Variants in RPS9 observed in about 807,000 individuals in gnomAD.
RPS9 encodes ribosomal protein S9.
A neutral mutation model predicts 16.9 loss-of-function variants in RPS9; 1 was observed. The ratio of observed to expected loss-of-function variants is 0.06; its 90% CI spans 0.02 to 0.28. RPS9 has a LOEUF of 0.28. Ranked by LOEUF, RPS9 falls within the 10% of genes least tolerant of loss-of-function variation. RPS9 has a pLI of 1.00. For synonymous variants in RPS9, 106 were observed against 110.9 expected (o/e 0.96, Z 0.28); for missense variants, 137 against 273.2 (o/e 0.50, Z 3.51).
intron 3 of RPS9, among the ~76,000 whole-genome samples, chr19:54,203,618 C>T (rs117107587): frequency 0.084 from 12,781 of 152,122 alleles, 640 homozygotes; most frequent in Middle Eastern, 0.15. Flanking sequence ...ACGAAAAATA[C>T]AAAAATTAGC....
intron 2 of RPS9, 64 bp downstream of exon 2, chr19:54,201,345 G>A: frequency 6.2e-7 from 1 of 1,612,598 alleles, no homozygotes; most frequent in South Asian, 1.1e-5. Context: ...CGTGGATGAA[G>A]GTGCCCATGT....
chr19:54,207,030 A>T (rs2077265955), intron 4 of RPS9: 1 of 437,426 alleles, frequency 2.3e-6, no homozygotes, highest in East Asian at 4.1e-5. Context: ...TTGCTGTGTT[A>T]TTGTGGGCAT....
At chr19:54,202,316 G>T in intron 3 of RPS9, 1 of 509,346 alleles carries the variant, frequency 2.0e-6, no homozygotes, top group Non-Finnish European at 2.5e-6. Context: ...CTCCTAAGTA[G>T]CTGGAATCAC....
intron 3 of RPS9, among the ~76,000 whole-genome samples, chr19:54,203,779 C>A (rs183162790): frequency 1.7e-5 from 2 of 114,498 alleles, no homozygotes; most frequent in Admixed American, 9.5e-5. Flanking sequence ...ACTCCCCCCC[C>A]ACCCCCCAGC....
At chr19:54,207,327 A>G (rs780906809) in intron 4 of RPS9, 71 bp from the exon 5 acceptor site, 33 of 1,364,974 alleles carry the variant, frequency 2.4e-5, no homozygotes, top group Non-Finnish European at 3.2e-5. Flanking sequence ...GTGGAGAGGA[A>G]AGAGTGGTGC....
intron 3 of RPS9, among the ~76,000 whole-genome samples, chr19:54,204,310 A>G (rs1432335297): frequency 6.6e-6 from 1 of 152,236 alleles, no homozygotes; most frequent in Non-Finnish European, 1.5e-5. Context: ...GTTTGCAGTG[A>G]GCCGAGATCA....
rs991979246 is a variant in RPS9, at chr19:54,207,638, C to T, written c.*63C>T. The T allele has an allele frequency of 1.3e-5, 18 of 1,434,438 alleles. 1 individual carries two copies. The highest frequency in any genetic ancestry group is 4.9e-5 in the East Asian group (2 of 40,570). 88.9% of individuals were successfully genotyped at this position (1,434,438 alleles called of 1,614,324 possible). A position where few individuals can be genotyped will look rare whatever the true frequency, so the allele number is the denominator to read the frequency against. On this transcript the variant is annotated 3_prime_UTR_variant, in exon 5 of 5. Transcript: ENST00000302907. Reference sequence around the variant, plus strand: ...TTTCCTGCCAAATAAACAGGATCAGCGCTTTACAATTGGTGTGTGGGGGTC... The same window carrying T: ...TTTCCTGCCAAATAAACAGGATCAGTGCTTTACAATTGGTGTGTGGGGGTC...
At chr19:54,206,731 G>A in intron 4 of RPS9, 1 of 1,480,422 alleles carries the variant, frequency 6.8e-7, no homozygotes, top group Non-Finnish European at 9.0e-7. Flanking sequence ...ACAGGTAACA[G>A]CTCTTGGTGT....
intron 2 of RPS9, 35 bp downstream of exon 2, chr19:54,201,316 T>C: frequency 6.2e-7 from 1 of 1,613,752 alleles, no homozygotes; most frequent in African/African-American, 1.3e-5. Context: ...GTGGTTCGGC[T>C]TCCGGGAGGC....
In RPS9 at chr19:54,207,557, C is replaced by T. The variant is rs774690405; in HGVS notation, c.567C>T (p.Asp189=). 7.2e-5 allele frequency: 116 copies of T among 1,610,570 alleles called. No individual in the cohort carries two copies. In the East Asian group the frequency reaches 1.8e-3, roughly 25 times the overall value. Reference sequence around the variant, plus strand: ...GCCAGGGTGGGGCTGGGGCTGGAGACGACGAGGAGGAGGATTAAGTCCACC... The same window carrying T: ...GCCAGGGTGGGGCTGGGGCTGGAGATGACGAGGAGGAGGATTAAGTCCACC... ...KKGQGGAGAG[D]DEEED is the part of the protein sequence containing the mutation. The change falls in exon 5 of 5, where the codon GAC becomes GAT. Residue 189 remains aspartate (D), a synonymous_variant. Coordinates refer to ENST00000302907, the MANE Select transcript of RPS9 (RefSeq NM_001013.4).
intron 3 of RPS9, chr19:54,202,083 G>A (rs975410238): frequency 3.9e-5 from 6 of 154,864 alleles, no homozygotes; most frequent in East Asian, 3.8e-4. Context: ...GTGCCGTGGC[G>A]CCATTTCGGC....
intron 1 of RPS9, 37 bp from the exon 2 acceptor site, chr19:54,201,123 T>C (rs2077029996): frequency 2.5e-6 from 4 of 1,610,810 alleles, no homozygotes; most frequent in East Asian, 2.2e-5. Flanking sequence ...GCAGGCGCCG[T>C]TTGGATCCCT....
At chr19:54,207,322 G>A (rs1396725651) in intron 4 of RPS9, 76 bp from the exon 5 acceptor site, 2 of 1,310,304 alleles carry the variant, frequency 1.5e-6, no homozygotes, top group Admixed American at 2.0e-5. Context: ...GGTGGGTGGA[G>A]AGGAAAGAGT....
At chr19:54,205,050 C>G (rs372213922) in intron 3 of RPS9, among the ~76,000 whole-genome samples, 2 of 152,226 alleles carry the variant, frequency 1.3e-5, no homozygotes, top group South Asian at 2.1e-4. Context: ...TCAGAAGTGC[C>G]TGATGCATGT....
At chr19:54,205,930 C>T (rs180689602) in intron 3 of RPS9, among the ~76,000 whole-genome samples, 52 of 152,328 alleles carry the variant, frequency 3.4e-4, no homozygotes, top group African/African-American at 1.3e-3. Context: ...AGTTTTCCTT[C>T]CTCAGCCTCC....
rs994948171 is a variant in RPS9 at position 54,203,123 on chromosome 19, A to C, written c.220+1514A>C. ...CAGGGTTCTGTGGGGAGTGGGCTAT[A>C]GCTGGTTCTGGTTTTAGGGAGGACT... On this transcript the variant is annotated intron_variant, in intron 3 of 4. Transcript: ENST00000302907. The C allele has an allele frequency of 7.2e-6, 7 of 973,508 alleles. No homozygotes were observed. The African/African-American group carries it at 1.1e-4, about 15-fold the overall frequency. 60.3% of individuals were successfully genotyped at this position (973,508 alleles called of 1,614,324 possible).
intron 3 of RPS9, among the ~76,000 whole-genome samples, chr19:54,204,669 C>T (rs1477217503): frequency 6.6e-6 from 1 of 152,146 alleles, no homozygotes; most frequent in Non-Finnish European, 1.5e-5. Context: ...CTGCCTCAGC[C>T]TCCCAAAATA....
At chr19:54,205,990 G>A (rs185403048) in intron 3 of RPS9, among the ~76,000 whole-genome samples, 22 of 152,236 alleles carry the variant, frequency 1.4e-4, no homozygotes, top group African/African-American at 4.6e-4. Flanking sequence ...CTAATTTTTC[G>A]TAATCTTAGT....
In RPS9 at chr19:54,203,965, C is replaced by T. The variant is rs536522114; in HGVS notation, c.221-2311C>T. Among the ~76,000 whole-genome samples the T allele has an allele frequency of 3.9e-5, 6 of 152,328 alleles. No homozygotes were observed. In the South Asian group the frequency reaches 6.2e-4, roughly 16 times the overall value. ...GTGCATTGGCCCAGTGGAGCCTCAG[C>T]AGTAGGACATGCTTTTGTTGAAGGT... On this transcript the variant is annotated intron_variant, in intron 3 of 4. Transcript: ENST00000302907.
Sources: allele counts gnomAD v4.1 joint callset (sites outside exome capture counted in the v4.1 genomes callset), GRCh38; gene constraint gnomAD v4.1.1; transcripts MANE v1.5; gene names NCBI Gene and HGNC (gene_info 2026-07-23, HGNC 2026-07-21).